Variants in NVL observed in about 807,000 individuals in gnomAD.
NVL encodes the protein nuclear valosin-containing protein-like.
A neutral mutation model predicts 110.2 loss-of-function variants in NVL; 84 were observed. The ratio of observed to expected loss-of-function variants is 0.76; its 90% CI spans 0.64 to 0.91. The LOEUF (loss-of-function observed/expected upper bound fraction) is 0.91. Among genes scored for constraint, NVL ranks in the 40% least tolerant of loss-of-function variants. The pLI is 0.00. For missense variants in NVL, 882 were observed against 1,035.9 expected, an observed-to-expected ratio of 0.85 and a Z score of 2.04; for synonymous variants, 354 against 361.1, an observed-to-expected ratio of 0.98 and a Z score of 0.22.
rs922376970 is a variant in NVL at position 224,294,368 on chromosome 1, T to C, written c.1224A>G (p.Gly408=). 1.9e-6 allele frequency: 3 copies of C among 1,613,858 alleles called. No homozygotes were observed. In the African/African-American group the frequency reaches 4.0e-5, roughly 22 times the overall value. ...CTAACGAGTCTGGTCGATTAGTAGC[T>C]CCAATAACTAGGACCCGGGCTGTAG... ...VAATARVLVI[G]ATNRPDSLDP... is the part of the protein sequence containing the mutation. Residue 408 remains glycine, a synonymous_variant, in exon 12 of 23, where the codon GGA becomes GGG. Coordinates refer to ENST00000281701, the MANE Select transcript of NVL (RefSeq NM_002533.4).
chr1:224,305,228 T>G (rs1668800819), intron 6 of NVL, 62 bp from the exon 7 acceptor site: 1 of 1,519,134 alleles, frequency 6.6e-7, no homozygotes, highest in South Asian at 1.3e-5. Flanking sequence ...ATTGTTTTAC[T>G]TTTTAAAGAG....
intron 2 of NVL, among the ~76,000 whole-genome samples, chr1:224,319,068 T>C (rs1345795299): frequency 8.1e-6 from 1 of 124,118 alleles, no homozygotes; most frequent in Non-Finnish European, 1.6e-5. Context: ...GGCAGGAGAA[T>C]CCCATGAACC....
intron 19 of NVL, among the ~76,000 whole-genome samples, chr1:224,241,250 CTT>C (rs1661161355): frequency 6.6e-6 from 1 of 152,016 alleles, no homozygotes; most frequent in Non-Finnish European, 1.5e-5. Context: ...ATGTTTCTGA[CTT>C]ATAGTAAGAA....
Position 224,233,196 on chromosome 1 carries a change from T to C in NVL, c.2455+5A>G. 1 of 1,608,506 alleles carries C rather than the reference T, an allele frequency of 6.2e-7. No homozygotes were observed. The highest frequency in any genetic ancestry group is 1.1e-5 in the South Asian group (1 of 89,980). On this transcript the variant is annotated splice_donor_5th_base_variant and intron_variant, in intron 21 of 22. Transcript: ENST00000281701. ...AGAATTGAGAGATTCTGGAGAGAATTGTACCTTTTTCATTTCCACTCTTCT... is the reference window on the plus strand; with the variant it reads ...AGAATTGAGAGATTCTGGAGAGAATCGTACCTTTTTCATTTCCACTCTTCT...
intron 9 of NVL, chr1:224,302,989 T>C (rs1244605951): frequency 7.6e-6 from 2 of 262,556 alleles, no homozygotes; most frequent in Non-Finnish European, 1.5e-5. Flanking sequence ...GTTGAGGCTG[T>C]AGTGAGCCAT....
At chr1:224,294,815 G>T (rs1667722475) in intron 11 of NVL, among the ~76,000 whole-genome samples, 1 of 152,180 alleles carries the variant, frequency 6.6e-6, no homozygotes, top group African/African-American at 2.4e-5. Context: ...TTAACAAGCA[G>T]ATATATAGGC....
intron 19 of NVL, among the ~76,000 whole-genome samples, chr1:224,242,980 C>T (rs958523414): frequency 2.6e-5 from 4 of 151,628 alleles, no homozygotes; most frequent in African/African-American, 7.3e-5. Context: ...TGTGTGCCAC[C>T]GCACCCAGCT....
intron 15 of NVL, among the ~76,000 whole-genome samples, chr1:224,281,981 A>G (rs1170241462): frequency 6.6e-6 from 1 of 151,346 alleles, no homozygotes; most frequent in Non-Finnish European, 1.5e-5. Context: ...AAAAAGACAA[A>G]TGGGAAAAGG....
intron 5 of NVL, among the ~76,000 whole-genome samples, chr1:224,308,938 G>A (rs1419818904): frequency 1.3e-5 from 2 of 151,152 alleles, no homozygotes; most frequent in Non-Finnish European, 3.0e-5. Flanking sequence ...GCGGACGCCT[G>A]TAGTCCCAGC....
chr1:224,255,778 T>C (rs1050895655), intron 18 of NVL, among the ~76,000 whole-genome samples: 3 of 152,230 alleles, frequency 2.0e-5, no homozygotes, highest in African/African-American at 2.4e-5. Context: ...TTTAATATCA[T>C]ATAGGAAATC....
intron 18 of NVL, among the ~76,000 whole-genome samples, chr1:224,252,540 C>A (rs1320780358): frequency 6.6e-6 from 1 of 152,092 alleles, no homozygotes; most frequent in Non-Finnish European, 1.5e-5. Context: ...ATTATTATTC[C>A]CTTTTTAGCT....
intron 19 of NVL, among the ~76,000 whole-genome samples, chr1:224,241,922 C>T (rs1258154941): frequency 9.9e-5 from 15 of 151,244 alleles, no homozygotes; most frequent in Admixed American, 7.9e-4. Context: ...ATCCCAGCTA[C>T]TTAGGAGGCT....
intron 19 of NVL, among the ~76,000 whole-genome samples, chr1:224,238,421 G>A (rs547174850): frequency 2.6e-5 from 4 of 152,246 alleles, no homozygotes; most frequent in East Asian, 1.9e-4. Flanking sequence ...TGGAGCTGCC[G>A]GCCTTGTGCA....
chr1:224,294,460 G>A (rs373218422), intron 11 of NVL, 49 bp from the exon 12 acceptor site: 418 of 1,568,630 alleles, frequency 2.7e-4, no homozygotes, highest in Non-Finnish European at 2.1e-4. Context: ...TGACACTGAC[G>A]GCAATAATGG....
intron 18 of NVL, among the ~76,000 whole-genome samples, chr1:224,251,665 CAT>C (rs1215516465): frequency 2.0e-5 from 3 of 151,966 alleles, no homozygotes; most frequent in Admixed American, 6.6e-5. Flanking sequence ...AAAAACAAAA[CAT>C]GTCCTTAAGT....
intron 4 of NVL, among the ~76,000 whole-genome samples, chr1:224,314,527 G>A (rs979935285): frequency 3.3e-5 from 5 of 152,184 alleles, no homozygotes; most frequent in Admixed American, 2.0e-4. Context: ...AAGGAGAGAT[G>A]TAAGGAAGAG....
rs182220958 is a variant in NVL, at chr1:224,326,285, A to G, written c.131+106T>C. On this transcript the variant is annotated intron_variant, in intron 2 of 22. Coordinates refer to ENST00000281701, the MANE Select transcript of NVL (RefSeq NM_002533.4). ...TCCAAGATTATGGATTGGTGAACTAATGCCAGCAGCTACTGATATCAACTG... is the reference window on the plus strand; with the variant it reads ...TCCAAGATTATGGATTGGTGAACTAGTGCCAGCAGCTACTGATATCAACTG... 4 of 713,292 alleles carry G rather than the reference A, an allele frequency of 5.6e-6. No individual in the cohort carries two copies. In the East Asian group the frequency reaches 1.0e-4, roughly 18 times the overall value. 44.2% of individuals were successfully genotyped at this position (713,292 alleles called of 1,614,324 possible).
rs1261263218 is a variant in NVL, at chr1:224,227,633, C to A, written c.2564G>T (p.Ser855Ile). The change falls in exon 23 of 23, where the codon AGC (serine) becomes ATC (isoleucine). Residue 855 changes from serine (S) to isoleucine (I), a missense_variant. Physicochemically the swap from Ser to Ile is moderately radical, Grantham distance 142 (BLOSUM62 -2). Coordinates refer to ENST00000281701, the MANE Select transcript of NVL (RefSeq NM_002533.4). ...AGCCGGCTGCTGGAGACATCACCGGCTGAGGGACTCCTGCAAACGTTCATA... is the reference window on the plus strand; with the variant it reads ...AGCCGGCTGCTGGAGACATCACCGGATGAGGGACTCCTGCAAACGTTCATA... ...IMYERLQESL[S>I]R The A allele has an allele frequency of 6.2e-7, 1 of 1,611,248 alleles. No homozygotes were observed. The highest frequency in any genetic ancestry group is 8.5e-7 in the Non-Finnish European group (1 of 1,178,348).
intron 11 of NVL, among the ~76,000 whole-genome samples, chr1:224,296,271 C>T (rs1024556143): frequency 2.0e-5 from 3 of 152,076 alleles, no homozygotes; most frequent in African/African-American, 7.2e-5. Context: ...TTAGAGGTAG[C>T]ATCTCGCTAT....
Sources: gnomAD v4.1 joint callset for allele counts (sites outside exome capture counted in the v4.1 genomes callset) on GRCh38, gnomAD v4.1.1 for gene constraint, MANE v1.5 for transcripts, NCBI Gene and HGNC (gene_info 2026-07-23, HGNC 2026-07-21) for gene names.